Variants in CCSER1 observed in about 807,000 individuals in gnomAD.
CCSER1 encodes coiled-coil serine rich protein 1.
In CCSER1, 41 loss-of-function variants were observed where a neutral mutation model predicts 82.0. The observed-to-expected ratio is 0.50, with a 90% CI of 0.39 to 0.65. CCSER1 has a LOEUF of 0.65. CCSER1 is among the 30% of genes least tolerant of loss of function. The pLI is 0.00. For synonymous variants in CCSER1, 414 were observed against 383.9 expected, an observed-to-expected ratio of 1.08 and a Z score of -0.92; for missense variants, 1,119 against 1,064.2, an observed-to-expected ratio of 1.05 and a Z score of -0.72.
At chr4:91,377,704 G>A (rs1023804807) in intron 10 of CCSER1, among the ~76,000 whole-genome samples, 3 of 152,158 alleles carry the variant, frequency 2.0e-5, no homozygotes, top group African/African-American at 4.8e-5. Context: ...TAGGTTGCCT[G>A]TTCACTCTGA....
intron 5 of CCSER1, among the ~76,000 whole-genome samples, chr4:90,553,525 G>T (rs1777769813): frequency 6.6e-6 from 1 of 152,124 alleles, no homozygotes; most frequent in Admixed American, 6.6e-5. Context: ...TAATGCATTA[G>T]AACTATTAAT....
intron 8 of CCSER1, among the ~76,000 whole-genome samples, chr4:90,817,387 C>A (rs1044023373): frequency 2.0e-5 from 3 of 151,918 alleles, no homozygotes; most frequent in Non-Finnish European, 4.4e-5. Flanking sequence ...AGAAATTGGA[C>A]CTTCATTTGC....
In CCSER1 at chr4:90,932,950, GA is replaced by G. The variant is rs1308619375; in HGVS notation, c.2172+9506del. 1.9e-4 allele frequency among the ~76,000 whole-genome samples: 6 copies of G among 31,970 alleles called. 2 individuals carry two copies. The highest frequency in any genetic ancestry group is 0.011 in the Middle Eastern group (1 of 94). The allele number at this position is 31,970 out of a possible 152,430, so 21.0% of individuals were successfully genotyped here. A position where few individuals can be genotyped will look rare whatever the true frequency, so the allele number is the denominator to read the frequency against. ...AGAAAGAAAGAAAGAAAGAAAGAAA[GA>G]AAGAAAGAAAGAAAGAAAGAAAGAA... is the stretch of plus-strand genomic sequence containing the variant. On this transcript the variant is annotated intron_variant, in intron 9 of 10. Coordinates refer to ENST00000509176, the MANE Select transcript of CCSER1 (RefSeq NM_001145065.2).
chr4:90,751,426 G>GT (rs559095743), intron 7 of CCSER1, among the ~76,000 whole-genome samples: 29 of 152,026 alleles, frequency 1.9e-4, no homozygotes, highest in Non-Finnish European at 3.1e-4. Flanking sequence ...GTTGATTTGA[G>GT]TAAGTAATTA....
At chr4:90,585,206 T>C (rs1250951986) in intron 5 of CCSER1, among the ~76,000 whole-genome samples, 1 of 152,198 alleles carries the variant, frequency 6.6e-6, no homozygotes, top group Non-Finnish European at 1.5e-5. Flanking sequence ...AAATAGTTAA[T>C]GTTGAAAAAA....
chr4:90,493,852 C>A (rs1034912765), intron 5 of CCSER1, among the ~76,000 whole-genome samples: 5 of 152,084 alleles, frequency 3.3e-5, no homozygotes, highest in Non-Finnish European at 5.9e-5. Context: ...AAGAAACTGC[C>A]TCAGCTAATG....
At chr4:90,244,583 G>A (rs1411652098) in intron 1 of CCSER1, among the ~76,000 whole-genome samples, 3 of 152,114 alleles carry the variant, frequency 2.0e-5, no homozygotes, top group African/African-American at 7.2e-5. Context: ...TTATAATTAT[G>A]GCAGAAGGGG....
intron 9 of CCSER1, among the ~76,000 whole-genome samples, chr4:91,042,133 C>G (rs992233215): frequency 2.0e-5 from 3 of 152,096 alleles, no homozygotes; most frequent in Non-Finnish European, 4.4e-5. Flanking sequence ...GAATTGTAAT[C>G]CCCAAAAACC....
chr4:91,295,124 A>G (rs1183409679), intron 10 of CCSER1, among the ~76,000 whole-genome samples: 1 of 152,008 alleles, frequency 6.6e-6, no homozygotes, highest in Non-Finnish European at 1.5e-5. Flanking sequence ...AAAAGCTAGC[A>G]ATGTTATCTC....
At chr4:91,203,497 G>T (rs556003504) in intron 10 of CCSER1, among the ~76,000 whole-genome samples, 4 of 144,142 alleles carry the variant, frequency 2.8e-5, no homozygotes, top group Non-Finnish European at 4.4e-5. Context: ...AGAGGAATTA[G>T]ATAGATAATA....
At chr4:90,766,262 A>T (rs1229648419) in intron 7 of CCSER1, among the ~76,000 whole-genome samples, 1 of 152,164 alleles carries the variant, frequency 6.6e-6, no homozygotes, top group East Asian at 1.9e-4. Context: ...GTGTGAAAAT[A>T]ACTTCCTGAA....
chr4:90,309,143 T>A lies in CCSER1; in HGVS notation c.859T>A (p.Phe287Ile). The A allele has an allele frequency of 6.2e-7, 1 of 1,613,908 alleles. No individual in the cohort carries two copies. Among genetic ancestry groups the A allele is most frequent in the Non-Finnish European group, 8.5e-7 (1 of 1,179,836 alleles). Residue 287 changes from phenylalanine to isoleucine, a missense_variant, in exon 2 of 11, where the codon TTT becomes ATT. By Grantham distance (21) the Phe-to-Ile change is conservative. Coordinates refer to ENST00000509176, the MANE Select transcript of CCSER1 (RefSeq NM_001145065.2). Reference protein sequence around the residue: ...SGSMASHCDNFGHNDSTSQMS... With the variant: ...SGSMASHCDNIGHNDSTSQMS... ...AAGCATGGCATCCCACTGTGACAACTTTGGCCACAATGATTCTACCTCTCA... is the reference window on the plus strand; with the variant it reads ...AAGCATGGCATCCCACTGTGACAACATTGGCCACAATGATTCTACCTCTCA...
chr4:91,261,003 T>C (rs1741085077), intron 10 of CCSER1, among the ~76,000 whole-genome samples: 1 of 152,148 alleles, frequency 6.6e-6, no homozygotes, highest in Non-Finnish European at 1.5e-5. Flanking sequence ...GACCTGGTGA[T>C]CCGCCCTCCT....
At chr4:90,342,083 A>G (rs1376497546) in intron 3 of CCSER1, among the ~76,000 whole-genome samples, 1 of 152,174 alleles carries the variant, frequency 6.6e-6, no homozygotes. Context: ...ATTTAATAAG[A>G]CAATTATTTT....
rs566508607 is a variant in CCSER1 at position 90,901,583 on chromosome 4, T to C, written c.2095-21787T>C. On this transcript the variant is annotated intron_variant, in intron 8 of 10. Coordinates refer to ENST00000509176, the MANE Select transcript of CCSER1 (RefSeq NM_001145065.2). ...TATAAATTCTTGGCTGGCATGTTTT[T>C]TTCTTTAAGAGGGTAAAAATAGGCC... Among the ~76,000 whole-genome samples, 5 of 152,246 alleles carry C rather than the reference T, an allele frequency of 3.3e-5. No individual in the cohort carries two copies. The East Asian group carries it at 9.7e-4, about 29-fold the overall frequency.
At chr4:90,546,832 A>T (rs748329206) in intron 5 of CCSER1, among the ~76,000 whole-genome samples, 1 of 152,108 alleles carries the variant, frequency 6.6e-6, no homozygotes, top group Non-Finnish European at 1.5e-5. Flanking sequence ...ATATACTACA[A>T]TACATCAGCA....
At chr4:90,472,499 A>C (rs1391860514) in intron 5 of CCSER1, among the ~76,000 whole-genome samples, 2 of 152,206 alleles carry the variant, frequency 1.3e-5, no homozygotes. Context: ...AGCAGGTGAT[A>C]GGGAGAAACT....
intron 5 of CCSER1, among the ~76,000 whole-genome samples, chr4:90,549,152 G>T (rs914622608): frequency 6.6e-6 from 1 of 152,124 alleles, no homozygotes; most frequent in Admixed American, 6.6e-5. Context: ...TTCCTTCACT[G>T]CATTCTTTCT....
intron 10 of CCSER1, among the ~76,000 whole-genome samples, chr4:91,155,783 G>A (rs1730755128): frequency 6.6e-6 from 1 of 151,854 alleles, no homozygotes; most frequent in Non-Finnish European, 1.5e-5. Context: ...AGGGGATGGA[G>A]AAACAGTAAA....
Sources: gnomAD v4.1 joint callset for allele counts (sites outside exome capture counted in the v4.1 genomes callset) on GRCh38, gnomAD v4.1.1 for gene constraint, MANE v1.5 for transcripts, NCBI Gene and HGNC (gene_info 2026-07-23, HGNC 2026-07-21) for gene names.